Variants in CFAP43 observed in about 807,000 individuals in gnomAD.
CFAP43 encodes cilia and flagella associated protein 43, also known as cilia- and flagella-associated protein 43.
In CFAP43, 155 loss-of-function variants were observed where a neutral mutation model predicts 218.9. That is an observed-to-expected ratio of 0.71 (90% confidence interval 0.62 to 0.81). CFAP43 has a LOEUF of 0.81. Ranked by LOEUF, CFAP43 falls within the 30% of genes least tolerant of loss-of-function variation. The pLI, the probability that CFAP43 is intolerant of heterozygous loss-of-function variation, is 0.00. For synonymous variants in CFAP43, 645 were observed against 681.3 expected, an observed-to-expected ratio of 0.95 and a Z score of 0.83; for missense variants, 1,778 against 1,954.3, an observed-to-expected ratio of 0.91 and a Z score of 1.70.
chr10:104,226,965 C>A (rs138771065), intron 2 of CFAP43, among the ~76,000 whole-genome samples: 4,602 of 152,118 alleles, frequency 0.03, 132 homozygotes, highest in Non-Finnish European at 0.04. Flanking sequence ...TTGCAGTGAG[C>A]CAAGACTGCG....
At chr10:104,212,467 G>A (rs1265118645) in intron 4 of CFAP43, among the ~76,000 whole-genome samples, 1 of 152,118 alleles carries the variant, frequency 6.6e-6, no homozygotes, top group African/African-American at 2.4e-5. Context: ...GTGGAAAATG[G>A]GAAAATATTT....
In CFAP43 at chr10:104,191,793, G is replaced by A. The variant is rs759085329; in HGVS notation, c.1546+406C>T. Among the ~76,000 whole-genome samples, 421 of 43,132 alleles carry A rather than the reference G, an allele frequency of 9.8e-3. 5 individuals are homozygous for A. Among genetic ancestry groups the A allele is most frequent in the Middle Eastern group, 0.013 (1 of 76 alleles). 28.3% of individuals were successfully genotyped at this position (43,132 alleles called of 152,430 possible). A position where few individuals can be genotyped will look rare whatever the true frequency, so the allele number is the denominator to read the frequency against. ...TTTTAAAAAAAATTGTGTGTGTGGG[G>A]GGGGGGAAACACATATACAGTTGGC... is the stretch of plus-strand genomic sequence containing the variant. On this transcript the variant is annotated intron_variant, in intron 12 of 37. Transcript: ENST00000357060.
At chr10:104,168,997 G>A (rs2089296687) in intron 20 of CFAP43, 149 bp from the exon 21 acceptor site, 1 of 628,098 alleles carries the variant, frequency 1.6e-6, no homozygotes, top group Non-Finnish European at 2.8e-6. Flanking sequence ...ACCTTGCACT[G>A]AGATGCACTT....
At chr10:104,209,773 C>A (rs182766759) in intron 5 of CFAP43, among the ~76,000 whole-genome samples, 2 of 152,210 alleles carry the variant, frequency 1.3e-5, no homozygotes, top group Non-Finnish European at 2.9e-5. Context: ...TCTCTTTGTT[C>A]TTCCTTTGCT....
intron 32 of CFAP43, 86 bp from the exon 33 acceptor site, chr10:104,142,479 A>T: frequency 1.1e-6 from 1 of 938,178 alleles, no homozygotes; most frequent in East Asian, 2.6e-5. Context: ...TAAATTTAAA[A>T]ACCTTAACAG....
intron 31 of CFAP43, 148 bp from the exon 32 acceptor site, chr10:104,143,787 A>G: frequency 1.3e-6 from 1 of 762,730 alleles, no homozygotes; most frequent in Admixed American, 2.7e-5. Flanking sequence ...TTCCACAGAT[A>G]AAGGGATCCA....
chr10:104,231,402 G>T (rs1472561429), intron 1 of CFAP43, among the ~76,000 whole-genome samples: 1 of 152,200 alleles, frequency 6.6e-6, no homozygotes, highest in Non-Finnish European at 1.5e-5. Context: ...TGAAGTCGAC[G>T]TGAATGAAAG....
In CFAP43 at chr10:104,188,224, T is replaced by C. The variant is rs760565805; in HGVS notation, c.1687+46A>G. 4 of 1,589,308 alleles carry C rather than the reference T, an allele frequency of 2.5e-6. No homozygotes were observed. The South Asian group carries it at 4.6e-5, about 18-fold the overall frequency. ...CAAACCCAAAAAACAATAACAACAA[T>C]GTATCTGGGCTCAGGAGCAGAACTG... On this transcript the variant is annotated intron_variant, in intron 13 of 37. Transcript: ENST00000357060.
At chr10:104,184,873 C>G in intron 16 of CFAP43, 143 bp downstream of exon 16, 1 of 1,344,028 alleles carries the variant, frequency 7.4e-7, no homozygotes, top group Non-Finnish European at 9.8e-7. Context: ...GTACGCTTCT[C>G]TTGGGATCTG....
At chr10:104,192,875 T>C (rs1703578059) in intron 11 of CFAP43, 1 of 155,032 alleles carries the variant, frequency 6.5e-6, no homozygotes. Flanking sequence ...CAGTCCACAG[T>C]GGCAGGGCCA....
chr10:104,153,545 C>A (rs2088381015), intron 27 of CFAP43, among the ~76,000 whole-genome samples: 1 of 151,964 alleles, frequency 6.6e-6, no homozygotes, highest in Admixed American at 6.6e-5. Context: ...CTACTTTGTA[C>A]CCACAAAAAT....
chr10:104,188,308 C>A lies in CFAP43; in HGVS notation c.1649G>T (p.Arg550Met). The A allele has an allele frequency of 6.2e-7, 1 of 1,614,156 alleles. No individual in the cohort carries two copies. The highest frequency in any genetic ancestry group is 8.5e-7 in the Non-Finnish European group (1 of 1,180,020). ...TGTAGGCAGTGTGAACATCTCCAAC[C>A]TGCTTCTCCCTGCTTCTGGAAGCGA... The part of the protein sequence containing the change: ...LSSLPEAGRS[R>M]LEMFTLPTLL... The change falls in exon 13 of 38, where the codon AGG (arginine) becomes ATG (methionine). Residue 550 changes from arginine to methionine, a missense_variant. Transcript: ENST00000357060.
chr10:104,220,949 C>T (rs895657767), intron 3 of CFAP43, among the ~76,000 whole-genome samples: 4 of 143,580 alleles, frequency 2.8e-5, no homozygotes, highest in South Asian at 2.2e-4. Context: ...TATGAGTGAG[C>T]GTGTGTGTGT....
In CFAP43 at chr10:104,188,944, T is replaced by C. The variant is rs369886145; in HGVS notation, c.1547-534A>G. ...ATTTGTTCCAGATTCACTCTCCCAT[T>C]CTTCATGGGACTGTGCTGCAGGTGC... On this transcript the variant is annotated intron_variant, in intron 12 of 37. Transcript: ENST00000357060. Among the ~76,000 whole-genome samples the C allele has an allele frequency of 5.4e-4, 82 of 152,216 alleles. 1 individual carries two copies. The East Asian group carries it at 0.016, about 29-fold the overall frequency.
At chr10:104,198,136 G>C in intron 8 of CFAP43, 98 bp from the exon 9 acceptor site, 2 of 682,376 alleles carry the variant, frequency 2.9e-6, no homozygotes, top group Non-Finnish European at 4.9e-6. Flanking sequence ...GGCTCTATGT[G>C]GAAACAGAAT....
intron 34 of CFAP43, among the ~76,000 whole-genome samples, chr10:104,138,679 AG>A (rs2087562743): frequency 6.6e-6 from 1 of 151,808 alleles, no homozygotes. Context: ...CAGTCTAAAA[AG>A]AAAAAAAAAA....
At chr10:104,208,635 C>A (rs978580365) in intron 5 of CFAP43, among the ~76,000 whole-genome samples, 1 of 152,116 alleles carries the variant, frequency 6.6e-6, no homozygotes, top group African/African-American at 2.4e-5. Flanking sequence ...TCTCCTTTTT[C>A]AGTCCTCTAG....
intron 21 of CFAP43, 85 bp from the exon 22 acceptor site, chr10:104,167,822 G>A: frequency 3.1e-6 from 3 of 956,294 alleles, no homozygotes; most frequent in Non-Finnish European, 4.7e-6. Context: ...TGTTTTCTGT[G>A]ATTAAAATTA....
At chr10:104,217,331 TTTTC>T (rs2134986276) in intron 3 of CFAP43, among the ~76,000 whole-genome samples, 1 of 126,728 alleles carries the variant, frequency 7.9e-6, no homozygotes, top group African/African-American at 3.9e-5. Context: ...TTTCTTTTTC[TTTTC>T]TTTTCTTTCT....
Sources: allele counts gnomAD v4.1 joint callset (sites outside exome capture counted in the v4.1 genomes callset), GRCh38; gene constraint gnomAD v4.1.1; transcripts MANE v1.5; gene names NCBI Gene and HGNC (gene_info 2026-07-23, HGNC 2026-07-21).